PPM1J: variants seen among roughly 807,000 people sequenced by gnomAD.
PPM1J encodes protein phosphatase, Mg2+/Mn2+ dependent 1J.
A neutral mutation model predicts 53.3 loss-of-function variants in PPM1J; 43 were observed. The ratio of observed to expected loss-of-function variants is 0.81; its 90% CI spans 0.63 to 1.04. PPM1J has a LOEUF of 1.04. Among genes scored for constraint, PPM1J ranks in the 50% least tolerant of loss-of-function variants. The pLI is 0.00. For synonymous variants in PPM1J, 267 were observed against 286.4 expected (o/e 0.93, Z 0.68); for missense variants, 635 against 685.9 (o/e 0.93, Z 0.83).
At position 112,712,950 on chromosome 1, in the gene PPM1J, G is replaced by A. The variant is rs372040606; in HGVS notation, c.523C>T (p.Arg175Cys). The A allele has an allele frequency of 6.2e-5, 100 of 1,613,902 alleles. No homozygotes were observed. Among genetic ancestry groups the A allele is most frequent in the African/African-American group, 2.1e-4 (16 of 75,032 alleles). The stretch of plus-strand genomic sequence containing the variant: ...TCCTTTAGCTGCTCTCGGATATGGC[G>A]ATGCAGGAGCCGTGAGGCCATTTCA... ...AAEMASRLLH[R>C]HIREQLKDLV... The change falls in exon 3 of 10, where the codon CGC becomes TGC. Residue 175 changes from arginine (R) to cysteine (C), a missense_variant. By Grantham distance (180) the Arg-to-Cys change is radical. Transcript: ENST00000309276.
chr1:112,712,013 C>T lies in PPM1J; in HGVS notation c.885G>A (p.Arg295=), dbSNP rs1170205556. The change falls in exon 5 of 10, where the codon CGG becomes CGA. Residue 295 remains arginine, a synonymous_variant. Coordinates refer to ENST00000309276, the MANE Select transcript of PPM1J (RefSeq NM_005167.7). ...GGCGCTCAGTCTCCGGGGTAAACTC[C>T]CGGGACATTGGAATGATTTCACCAT... ...VRNGEIIPMS[R]EFTPETERQR... 6.2e-7 allele frequency: 1 copy of T among 1,611,024 alleles called. No individual in the cohort carries two copies. Among genetic ancestry groups the T allele is most frequent in the African/African-American group, 1.3e-5 (1 of 74,962 alleles).
intron 2 of PPM1J, 33 bp from the exon 3 acceptor site, chr1:112,713,064 TTGTGTGTG>T (rs36095892): frequency 2.6e-4 from 264 of 1,032,592 alleles, no homozygotes; most frequent in South Asian, 1.4e-3. Context: ...TGAGTTTTGT[TTGTGTGTG>T]TGTGTGTGTG....
intron 6 of PPM1J, 50 bp from the exon 7 acceptor site, chr1:112,711,121 T>C: frequency 6.4e-7 from 1 of 1,568,186 alleles, no homozygotes; most frequent in Non-Finnish European, 8.8e-7. Flanking sequence ...AAAGCCCCTC[T>C]CCCCTAGGAG....
At chr1:112,714,381 C>G (rs1368409685) in intron 1 of PPM1J, 7 of 985,506 alleles carry the variant, frequency 7.1e-6, no homozygotes, top group African/African-American at 1.7e-5. Context: ...CTTTGCCAGG[C>G]CAGCACGAGT....
Position 112,715,326 on chromosome 1 carries a change from C to G in PPM1J, c.-25G>C. On this transcript the variant is annotated 5_prime_UTR_variant, in exon 1 of 10. Coordinates refer to ENST00000309276, the MANE Select transcript of PPM1J (RefSeq NM_005167.7). This position sits in a 1 kb window ranked among gnomAD's most constrained non-coding sequence, Gnocchi z 4.4. ...TGCTGCCTCCCTGCCCCGCCCTCGG[C>G]CGCGGCCCCGCCCCCGCCCAGGCCC... 8.2e-7 allele frequency: 1 copy of G among 1,226,016 alleles called. No individual in the cohort carries two copies. The highest frequency in any genetic ancestry group is 1.0e-6 in the Non-Finnish European group (1 of 983,792). 75.9% of individuals were successfully genotyped at this position (1,226,016 alleles called of 1,614,324 possible). A position where few individuals can be genotyped will look rare whatever the true frequency, so the allele number is the denominator to read the frequency against.
At chr1:112,713,797 T>C (rs1557784263) in intron 1 of PPM1J, among the ~76,000 whole-genome samples, 186 bp from the exon 2 acceptor site, 1 of 151,856 alleles carries the variant, frequency 6.6e-6, no homozygotes, top group Non-Finnish European at 1.5e-5. Context: ...ACTGTTTGGG[T>C]GGCCAGCCCT....
In PPM1J at chr1:112,715,266, C is replaced by T. The variant is rs2101487192; in HGVS notation, c.36G>A (p.Leu12=). 1 of 1,342,774 alleles carries T rather than the reference C, an allele frequency of 7.4e-7. No homozygotes were observed. Among genetic ancestry groups the T allele is most frequent in the African/African-American group, 1.5e-5 (1 of 65,204 alleles). The allele number at this position is 1,342,774 out of a possible 1,614,324, so 83.2% of individuals were successfully genotyped here. Residue 12 remains leucine (L), a synonymous_variant, in exon 1 of 10, where the codon CTG becomes CTA. Coordinates refer to ENST00000309276, the MANE Select transcript of PPM1J (RefSeq NM_005167.7). This position sits in a 1 kb window ranked among gnomAD's most constrained non-coding sequence, Gnocchi z 4.4. ...GAGGCGGAGCGCCCCCGGAGCTCAC[C>T]AGGTGCGCCACGGCCGAGCGCACCC... The part of the protein sequence containing the change: ...LNRVRSAVAH[L]VSSGGAPPPR...
Position 112,710,999 on chromosome 1 carries a change from G to A in PPM1J, c.1110+9C>T, listed in dbSNP as rs1675042988. 1.2e-6 allele frequency: 2 copies of A among 1,612,844 alleles called. No homozygotes were observed. Among genetic ancestry groups the A allele is most frequent in the Non-Finnish European group, 1.7e-6 (2 of 1,179,004 alleles). On this transcript the variant is annotated intron_variant, in intron 7 of 9. Transcript: ENST00000309276. ...TCCTCCCCTCTCCCACCTCTACCAT[G>A]GAGTTTACCTTTTTGCCCTCCCCAC...
chr1:112,715,318 G>A lies in PPM1J; in HGVS notation c.-17C>T. ...GTTTAGCATGCTGCCTCCCTGCCCC[G>A]CCCTCGGCCGCGGCCCCGCCCCCGC... On this transcript the variant is annotated 5_prime_UTR_variant, in exon 1 of 10. Coordinates refer to ENST00000309276, the MANE Select transcript of PPM1J (RefSeq NM_005167.7). The surrounding 1 kb of genome is among the most constrained non-coding windows in gnomAD (Gnocchi z 4.4). 1.6e-6 allele frequency: 2 copies of A among 1,231,948 alleles called. No individual in the cohort carries two copies. The highest frequency in any genetic ancestry group is 2.0e-6 in the Non-Finnish European group (2 of 987,818). 76.3% of individuals were successfully genotyped at this position (1,231,948 alleles called of 1,614,324 possible).
chr1:112,711,829 A>G (rs1212650500), intron 5 of PPM1J, 142 bp downstream of exon 5: 5 of 613,932 alleles, frequency 8.1e-6, no homozygotes, highest in Admixed American at 3.0e-5. Context: ...TCAGCCCCGC[A>G]CTCCATAGTC....
At position 112,710,082 on chromosome 1, in the gene PPM1J, G is replaced by A; in HGVS notation, c.*81C>T. ...TTCAGTTAAGTTGCCACTAAAGAAG[G>A]GTCAGGGAGACAACTTCAGAATTTG... On this transcript the variant is annotated 3_prime_UTR_variant, in exon 10 of 10. Transcript: ENST00000309276. 1.3e-6 allele frequency: 2 copies of A among 1,487,376 alleles called. No individual in the cohort carries two copies. Among genetic ancestry groups the A allele is most frequent in the Non-Finnish European group, 1.8e-6 (2 of 1,121,520 alleles). The allele number at this position is 1,487,376 out of a possible 1,614,324, so 92.1% of individuals were successfully genotyped here. A position where few individuals can be genotyped will look rare whatever the true frequency, so the allele number is the denominator to read the frequency against.
At position 112,711,053 on chromosome 1, in the gene PPM1J, C is replaced by G; in HGVS notation, c.1065G>C (p.Glu355Asp). 1 of 1,614,104 alleles carries G rather than the reference C, an allele frequency of 6.2e-7. No homozygotes were observed. Among genetic ancestry groups the G allele is most frequent in the South Asian group, 1.1e-5 (1 of 91,064 alleles). ...NMTGWAYKKI[E>D]LEDLRFPLVC... Reference sequence around the variant, plus strand: ...CCAGAGGAAACCTGAGATCCTCCAGCTCGATCTTTTTGTAGGCCCTGGGGA... The same window carrying G: ...CCAGAGGAAACCTGAGATCCTCCAGGTCGATCTTTTTGTAGGCCCTGGGGA... The change falls in exon 7 of 10, where the codon GAG becomes GAC. Residue 355 changes from glutamate to aspartate, a missense_variant. Coordinates refer to ENST00000309276, the MANE Select transcript of PPM1J (RefSeq NM_005167.7).
At chr1:112,712,182 CCT>C (rs1172959764) in intron 4 of PPM1J, 127 bp from the exon 5 acceptor site, 10 of 935,262 alleles carry the variant, frequency 1.1e-5, no homozygotes, top group South Asian at 6.5e-5. Context: ...CATATCTGCC[CCT>C]GACCCCACCC....
intron 1 of PPM1J, 184 bp downstream of exon 1, chr1:112,714,792 C>A: frequency 7.9e-7 from 1 of 1,269,258 alleles, no homozygotes; most frequent in Middle Eastern, 3.0e-4. Context: ...ACACAGGCTG[C>A]CCCCCACTGG....
chr1:112,714,957 T>C lies in PPM1J; in HGVS notation c.326+19A>G. ...GGTGGGAGCCCCATCCTGGTTTGGG[T>C]GCCCCAGGGGGCGCTCACTCGGCGT... On this transcript the variant is annotated intron_variant, in intron 1 of 9. Transcript: ENST00000309276. 1 of 1,371,568 alleles carries C rather than the reference T, an allele frequency of 7.3e-7. No individual in the cohort carries two copies. Among genetic ancestry groups the C allele is most frequent in the Non-Finnish European group, 9.4e-7 (1 of 1,064,920 alleles). The allele number at this position is 1,371,568 out of a possible 1,614,324, so 85.0% of individuals were successfully genotyped here.
At chr1:112,712,167 AC>A (rs767892876) in intron 4 of PPM1J, 112 bp from the exon 5 acceptor site, 34 of 1,020,692 alleles carry the variant, frequency 3.3e-5, no homozygotes, top group Non-Finnish European at 4.6e-5. Flanking sequence ...TCTTACCCAG[AC>A]CCCCATATCT....
At position 112,715,071 on chromosome 1, in the gene PPM1J, G is replaced by A. The variant is rs772573569; in HGVS notation, c.231C>T (p.Pro77=). ...FSRPTFLQLS[P]GGLRRADDHA... is the part of the protein sequence containing the mutation. ...GGTCATCGGCGCGTCGCAGCCCCCC[G>A]GGGCTCAGCTGCAGAAAGGTCGGTC... Residue 77 remains proline (P), a synonymous_variant, in exon 1 of 10, where the codon CCC becomes CCT. Transcript: ENST00000309276. This position sits in a 1 kb window ranked among gnomAD's most constrained non-coding sequence, Gnocchi z 4.4. The A allele has an allele frequency of 8.4e-6, 13 of 1,551,928 alleles. No individual in the cohort carries two copies. The highest frequency in any genetic ancestry group is 3.5e-5 in the South Asian group (3 of 84,934).
At position 112,715,007 on chromosome 1, in the gene PPM1J, G is replaced by T. The variant is rs1453010443; in HGVS notation, c.295C>A (p.Arg99Ser). Residue 99 changes from arginine (R) to serine (S), a missense_variant, in exon 1 of 10, where the codon CGC becomes AGC. By Grantham distance (110) the Arg-to-Ser change is moderately radical. Coordinates refer to ENST00000309276, the MANE Select transcript of PPM1J (RefSeq NM_005167.7). This position sits in a 1 kb window ranked among gnomAD's most constrained non-coding sequence, Gnocchi z 4.4. The part of the protein sequence containing the change: ...RAVQSPPDTG[R>S]RLPWSTGYAE... ...TAGCCTGTGCTCCAGGGCAGGCGGC[G>T]GCCCGTGTCCGGGGGGCTTTGCACA... 12 of 1,469,516 alleles carry T rather than the reference G, an allele frequency of 8.2e-6. No homozygotes were observed. Among genetic ancestry groups the T allele is most frequent in the Non-Finnish European group, 1.1e-5 (12 of 1,118,904 alleles). 91.0% of individuals were successfully genotyped at this position (1,469,516 alleles called of 1,614,324 possible).
In PPM1J at chr1:112,714,335, G is replaced by T. The variant is rs1252720739; in HGVS notation, c.326+641C>A. The T allele has an allele frequency of 6.1e-6, 6 of 985,566 alleles. No homozygotes were observed. The African/African-American group carries it at 7.0e-5, about 11-fold the overall frequency. The allele number at this position is 985,566 out of a possible 1,614,324, so 61.1% of individuals were successfully genotyped here. ...ATGCATTTAAAATACACACAGCCCG[G>T]GGGCCAGCCGGCCGCTCCGGGCAGG... On this transcript the variant is annotated intron_variant, in intron 1 of 9. Transcript: ENST00000309276.
Sources: allele counts gnomAD v4.1 joint callset (sites outside exome capture counted in the v4.1 genomes callset), GRCh38; gene constraint gnomAD v4.1.1; non-coding constraint Gnocchi (gnomAD v3.1); transcripts MANE v1.5; gene names NCBI Gene and HGNC (gene_info 2026-07-23, HGNC 2026-07-21).